The following DIP2C variants were observed in gnomAD, a reference collection of about 807,000 sequenced individuals.
DIP2C encodes disco-interacting protein 2 homolog C.
In DIP2C, 33 loss-of-function variants were observed where a neutral mutation model predicts 192.4. The ratio of observed to expected loss-of-function variants is 0.17; its 90% CI spans 0.13 to 0.23. DIP2C has a LOEUF of 0.23. Ranked by LOEUF, DIP2C falls within the 10% of genes least tolerant of loss-of-function variation. The pLI, the probability that DIP2C is intolerant of heterozygous loss-of-function variation, is 1.00. For synonymous variants in DIP2C, 979 were observed against 864.1 expected (o/e 1.13, Z -2.33); for missense variants, 1,537 against 2,110.1 (o/e 0.73, Z 5.32).
intron 29 of DIP2C, 186 bp downstream of exon 29, chr10:341,013 C>T: frequency 1.2e-6 from 1 of 803,690 alleles, no homozygotes; most frequent in South Asian, 1.4e-5. Context: ...TCAAAGTCAC[C>T]CCAGGTGCTG....
intron 1 of DIP2C, among the ~76,000 whole-genome samples, chr10:540,778 G>A (rs1287137547): frequency 1.3e-5 from 2 of 152,186 alleles, no homozygotes; most frequent in Non-Finnish European, 2.9e-5. Context: ...CATCCTGTAA[G>A]GTGCATTTGC....
At chr10:297,241 TACACACACACAC>T (rs140637166) in intron 32 of DIP2C, among the ~76,000 whole-genome samples, 9 of 115,622 alleles carry the variant, frequency 7.8e-5, no homozygotes, top group East Asian at 5.4e-4. Flanking sequence ...CCCCACCACA[TACACACACACAC>T]ACACACACAC....
chr10:337,013 G>A (rs1957822634), intron 29 of DIP2C, among the ~76,000 whole-genome samples: 1 of 53,652 alleles, frequency 1.9e-5, no homozygotes, highest in Admixed American at 2.1e-4. Context: ...CTAGGCAGCT[G>A]TGTGTGTGTG....
chr10:423,159 A>G, intron 4 of DIP2C, 126 bp from the exon 5 acceptor site: 2 of 904,122 alleles, frequency 2.2e-6, no homozygotes, highest in Non-Finnish European at 1.6e-6. Flanking sequence ...TTTTTGATAC[A>G]CTCTTGAGAA....
At chr10:505,729 T>A (rs2130735838) in intron 1 of DIP2C, among the ~76,000 whole-genome samples, 1 of 151,230 alleles carries the variant, frequency 6.6e-6, no homozygotes, top group Admixed American at 6.6e-5. Context: ...CCCAGCTATA[T>A]TTCCTCTGGG....
chr10:581,522 G>GAA (rs1357904887), intron 1 of DIP2C, among the ~76,000 whole-genome samples: 1 of 152,102 alleles, frequency 6.6e-6, no homozygotes, highest in South Asian at 2.1e-4. Context: ...TCTAGAAAAA[G>GAA]AAAAGATACA....
At chr10:626,529 C>A (rs895169680) in intron 1 of DIP2C, among the ~76,000 whole-genome samples, 3 of 152,148 alleles carry the variant, frequency 2.0e-5, no homozygotes, top group Non-Finnish European at 4.4e-5. Context: ...ATCCTCCTCA[C>A]CTCCAGGCCC....
intron 7 of DIP2C, among the ~76,000 whole-genome samples, chr10:414,709 G>A (rs865977398): frequency 2.5e-4 from 17 of 67,290 alleles, no homozygotes; most frequent in African/African-American, 8.3e-4. Context: ...GTGTATGTAT[G>A]TGTGTGTGTG....
chr10:531,774 G>A lies in DIP2C; in HGVS notation c.86-45244C>T, dbSNP rs1039652450. ...AGTCTGTGGAACCTCAGAGGAACAC[G>A]GACAAACAGCTGCCTCGACGGGTGC... On this transcript the variant is annotated intron_variant, in intron 1 of 36. Coordinates refer to ENST00000280886, the MANE Select transcript of DIP2C (RefSeq NM_014974.3). 7.2e-5 allele frequency among the ~76,000 whole-genome samples: 11 copies of A among 152,298 alleles called. No homozygotes were observed. The East Asian group carries it at 1.9e-3, about 27-fold the overall frequency.
At chr10:453,689 C>G (rs1969046271) in intron 3 of DIP2C, among the ~76,000 whole-genome samples, 1 of 152,152 alleles carries the variant, frequency 6.6e-6, no homozygotes, top group African/African-American at 2.4e-5. Flanking sequence ...AGAAAAGAAG[C>G]AGATGCATAA....
intron 31 of DIP2C, among the ~76,000 whole-genome samples, chr10:316,587 GGA>G (rs1956783390): frequency 6.6e-6 from 1 of 152,198 alleles, no homozygotes; most frequent in South Asian, 2.1e-4. Flanking sequence ...AAGTGTGAGT[GGA>G]GTTCCCACGG....
chr10:283,480 ATTATT>A (rs1180209025), intron 34 of DIP2C, 34 bp from the exon 35 acceptor site: 1 of 1,609,924 alleles, frequency 6.2e-7, no homozygotes, highest in South Asian at 1.1e-5. Flanking sequence ...TGTGGATGAC[ATTATT>A]TTATCTCCAG....
intron 1 of DIP2C, among the ~76,000 whole-genome samples, chr10:514,652 C>A (rs1309502648): frequency 6.6e-6 from 1 of 151,870 alleles, no homozygotes; most frequent in Non-Finnish European, 1.5e-5. Context: ...TGACACCGAC[C>A]CTCACCACTG....
chr10:570,970 C>T (rs561032425), intron 1 of DIP2C, among the ~76,000 whole-genome samples: 4 of 152,362 alleles, frequency 2.6e-5, no homozygotes, highest in South Asian at 2.1e-4. Flanking sequence ...CGACTCCCAC[C>T]GGAGCCCCGG....
chr10:370,974 C>A (rs1174419101), intron 17 of DIP2C, among the ~76,000 whole-genome samples: 1 of 152,040 alleles, frequency 6.6e-6, no homozygotes, highest in Admixed American at 6.6e-5. Flanking sequence ...TAGAGCTAAC[C>A]AGATATAAAA....
At chr10:463,613 A>C (rs902295680) in intron 3 of DIP2C, among the ~76,000 whole-genome samples, 8 of 152,338 alleles carry the variant, frequency 5.3e-5, no homozygotes, top group African/African-American at 1.7e-4. Context: ...GCTACCATTG[A>C]CTTTCTTCAC....
At chr10:301,445 G>T (rs1404420138) in intron 32 of DIP2C, among the ~76,000 whole-genome samples, 2 of 152,138 alleles carry the variant, frequency 1.3e-5, no homozygotes, top group Admixed American at 6.5e-5. Context: ...GCTGCAGCGG[G>T]TCACAGTGGG....
At chr10:475,129 A>C (rs1318391598) in intron 2 of DIP2C, among the ~76,000 whole-genome samples, 1 of 152,108 alleles carries the variant, frequency 6.6e-6, no homozygotes. Context: ...CCAAATCTGG[A>C]GCCTCCCAGT....
At chr10:419,030 AC>A in intron 6 of DIP2C, 34 bp downstream of exon 6, 1 of 1,613,988 alleles carries the variant, frequency 6.2e-7, no homozygotes, top group South Asian at 1.1e-5. Context: ...CAAACCGTTT[AC>A]CAGAAAAAAA....
Sources: allele counts gnomAD v4.1 joint callset (sites outside exome capture counted in the v4.1 genomes callset), GRCh38; gene constraint gnomAD v4.1.1; transcripts MANE v1.5; gene names NCBI Gene and HGNC (gene_info 2026-07-23, HGNC 2026-07-21).